The following PPM1H variants were observed in gnomAD, a reference collection of about 807,000 sequenced individuals.
PPM1H encodes the protein protein phosphatase, Mg2+/Mn2+ dependent 1H.
A neutral mutation model predicts 54.9 loss-of-function variants in PPM1H; 27 were observed. The observed-to-expected ratio is 0.49, with a 90% CI of 0.36 to 0.68. The LOEUF (loss-of-function observed/expected upper bound fraction) is 0.68. PPM1H is among the 30% of genes least tolerant of loss of function. The pLI is 0.00. For synonymous variants in PPM1H, 305 were observed against 270.8 expected (o/e 1.13, Z -1.24); for missense variants, 596 against 667.8 (o/e 0.89, Z 1.19).
intron 8 of PPM1H, among the ~76,000 whole-genome samples, chr12:62,684,670 A>G (rs921383078): frequency 2.6e-5 from 4 of 152,180 alleles, no homozygotes; most frequent in South Asian, 4.1e-4. Context: ...TTTGAAATTT[A>G]GAACCCAAAT....
chr12:62,657,708 A>C (rs1376845942), intron 9 of PPM1H, among the ~76,000 whole-genome samples: 1 of 152,236 alleles, frequency 6.6e-6, no homozygotes, highest in Non-Finnish European at 1.5e-5. Context: ...ACTCATGGAA[A>C]GGTTTCATAA....
chr12:62,811,263 T>C (rs2076833612), intron 2 of PPM1H, among the ~76,000 whole-genome samples: 1 of 152,216 alleles, frequency 6.6e-6, no homozygotes, highest in Non-Finnish European at 1.5e-5. Context: ...AAAAAGTTAA[T>C]TGTACTGTAT....
intron 1 of PPM1H, among the ~76,000 whole-genome samples, chr12:62,929,515 A>G (rs1016129444): frequency 1.3e-5 from 2 of 152,328 alleles, no homozygotes; most frequent in Non-Finnish European, 2.9e-5. Flanking sequence ...TACATTTTCA[A>G]CTAGTACTGC....
chr12:62,806,866 G>A (rs1013728808), intron 2 of PPM1H, among the ~76,000 whole-genome samples: 23 of 152,142 alleles, frequency 1.5e-4, no homozygotes, highest in Admixed American at 1.2e-3. Context: ...ATAATCACAC[G>A]TACAAACATA....
intron 4 of PPM1H, chr12:62,755,483 G>T: frequency 4.4e-6 from 3 of 677,668 alleles, no homozygotes; most frequent in Non-Finnish European, 8.2e-6. Flanking sequence ...AAAATCAGAT[G>T]GGGCAATGCT....
At chr12:62,743,990 A>T (rs965813837) in intron 4 of PPM1H, among the ~76,000 whole-genome samples, 1 of 152,150 alleles carries the variant, frequency 6.6e-6, no homozygotes, top group Admixed American at 6.5e-5. Flanking sequence ...TGGTTCAGTC[A>T]TTCCACTTTT....
rs1198482218 is a variant in PPM1H, at chr12:62,666,076, C to A, written c.1397+1102G>T. On this transcript the variant is annotated intron_variant, in intron 9 of 9. Coordinates refer to ENST00000228705, the MANE Select transcript of PPM1H (RefSeq NM_020700.2). ...TTAAAATATTTTATATTATTGTTGG[C>A]TTTCTTTTGTTTGTGTTTTGAGACC... Among the ~76,000 whole-genome samples the A allele has an allele frequency of 2.0e-5, 3 of 150,164 alleles. No individual in the cohort carries two copies. In the South Asian group the frequency reaches 6.4e-4, roughly 32 times the overall value.
chr12:62,689,839 C>G (rs201999356), intron 7 of PPM1H, 33 bp from the exon 8 acceptor site: 11 of 1,474,372 alleles, frequency 7.5e-6, no homozygotes, highest in Non-Finnish European at 8.5e-6. Context: ...ATCAGAAACA[C>G]GCACACAGTG....
intron 1 of PPM1H, among the ~76,000 whole-genome samples, chr12:62,925,185 G>T (rs148761989): frequency 1.3e-5 from 2 of 152,282 alleles, no homozygotes; most frequent in Non-Finnish European, 2.9e-5. Flanking sequence ...GGAAACTATA[G>T]AAGTTGAACT....
At chr12:62,843,402 GTGT>G (rs1868831150) in intron 1 of PPM1H, among the ~76,000 whole-genome samples, 1 of 152,180 alleles carries the variant, frequency 6.6e-6, no homozygotes, top group African/African-American at 2.4e-5. Context: ...CGTGAGAAAG[GTGT>G]TGTTATTATC....
intron 4 of PPM1H, among the ~76,000 whole-genome samples, chr12:62,749,486 G>C (rs536883014): frequency 6.6e-6 from 1 of 152,206 alleles, no homozygotes; most frequent in Non-Finnish European, 1.5e-5. Context: ...TCTTTCAAAA[G>C]TATTAGAAAC....
chr12:62,726,911 A>T (rs777089919), intron 5 of PPM1H, among the ~76,000 whole-genome samples: 9 of 151,956 alleles, frequency 5.9e-5, no homozygotes, highest in Non-Finnish European at 1.0e-4. Flanking sequence ...TTTGCTAATA[A>T]TTTACTGACT....
chr12:62,765,668 C>G (rs2076538218), intron 4 of PPM1H, among the ~76,000 whole-genome samples: 2 of 152,196 alleles, frequency 1.3e-5, no homozygotes, highest in South Asian at 4.2e-4. Context: ...AAAAGTGAAG[C>G]AAAAGAAATA....
intron 1 of PPM1H, among the ~76,000 whole-genome samples, chr12:62,860,026 T>A (rs555827100): frequency 6.6e-6 from 1 of 152,240 alleles, no homozygotes; most frequent in African/African-American, 2.4e-5. Context: ...CTCATGCTGC[T>A]ATGAAGAAAT....
intron 1 of PPM1H, among the ~76,000 whole-genome samples, chr12:62,875,777 C>G (rs1031784262): frequency 1.3e-5 from 2 of 152,178 alleles, no homozygotes; most frequent in Non-Finnish European, 2.9e-5. Flanking sequence ...TGGTTTTATG[C>G]TTCTTTTCAA....
At chr12:62,669,270 A>G (rs560439670) in intron 8 of PPM1H, among the ~76,000 whole-genome samples, 1 of 152,350 alleles carries the variant, frequency 6.6e-6, no homozygotes, top group African/African-American at 2.4e-5. Flanking sequence ...TCCAATTTTC[A>G]CTGTATCAGA....
intron 5 of PPM1H, among the ~76,000 whole-genome samples, chr12:62,731,571 C>T (rs147329311): frequency 2.6e-5 from 4 of 152,284 alleles, no homozygotes; most frequent in Non-Finnish European, 5.9e-5. Flanking sequence ...CCCGGCTCGG[C>T]GTTGAGAGCT....
intron 3 of PPM1H, among the ~76,000 whole-genome samples, chr12:62,794,467 T>C (rs2076720455): frequency 6.6e-6 from 1 of 152,162 alleles, no homozygotes; most frequent in Admixed American, 6.5e-5. Context: ...AGTGATGGAA[T>C]TACATATAGT....
intron 4 of PPM1H, among the ~76,000 whole-genome samples, chr12:62,780,783 T>C (rs2076637180): frequency 6.6e-6 from 1 of 152,212 alleles, no homozygotes; most frequent in South Asian, 2.1e-4. Context: ...AAATCTATCC[T>C]GGTGTGGGCT....
Sources: allele counts gnomAD v4.1 joint callset (sites outside exome capture counted in the v4.1 genomes callset), GRCh38; gene constraint gnomAD v4.1.1; transcripts MANE v1.5; gene names NCBI Gene and HGNC (gene_info 2026-07-23, HGNC 2026-07-21).